C17orf67: variants seen among roughly 807,000 people sequenced by gnomAD.
C17orf67 encodes the protein chromosome 17 open reading frame 67, also known as uncharacterized protein C17orf67.
C17orf67 carries 12 observed loss-of-function variants against 11.2 expected under a neutral mutation model. The ratio of observed to expected loss-of-function variants is 1.07; its 90% CI spans 0.68 to 1.73. C17orf67 has a LOEUF of 1.73. Among genes scored for constraint, C17orf67 ranks in the 40% most tolerant of loss-of-function variants. C17orf67 has a pLI of 0.00. For synonymous variants in C17orf67, 59 were observed against 46.9 expected, an observed-to-expected ratio of 1.26 and a Z score of -1.05; for missense variants, 115 against 113.5, an observed-to-expected ratio of 1.01 and a Z score of -0.06.
rs2144109490 is a variant in C17orf67 at position 56,795,354 on chromosome 17, A to T, written c.157-174T>A. 6.7e-6 allele frequency: 4 copies of T among 600,994 alleles called. No individual in the cohort carries two copies. The South Asian group carries it at 8.0e-5, about 12-fold the overall frequency. 37.2% of individuals were successfully genotyped at this position (600,994 alleles called of 1,614,324 possible). A position where few individuals can be genotyped will look rare whatever the true frequency, so the allele number is the denominator to read the frequency against. On this transcript the variant is annotated intron_variant, in intron 6 of 7. Transcript: ENST00000397861. ...TAGGGAAGACCAGTCAGACTGACCC[A>T]CCCAGTGGGCAAAATAAAGAAGTCT... is the stretch of plus-strand genomic sequence containing the variant.
At chr17:56,794,801 TC>T (rs1905177781) in intron 7 of C17orf67, among the ~76,000 whole-genome samples, 1 of 152,146 alleles carries the variant, frequency 6.6e-6, no homozygotes, top group Non-Finnish European at 1.5e-5. Context: ...GTCACGTCCC[TC>T]CCCATTCGGG....
At chr17:56,819,450 A>C (rs1905844221) in intron 4 of C17orf67, among the ~76,000 whole-genome samples, 1 of 152,164 alleles carries the variant, frequency 6.6e-6, no homozygotes, top group Admixed American at 6.5e-5. Context: ...TGTCTCCTTC[A>C]CTGGTAAGCT....
At chr17:56,811,133 G>T (rs1905614225) in intron 6 of C17orf67, among the ~76,000 whole-genome samples, 1 of 152,118 alleles carries the variant, frequency 6.6e-6, no homozygotes, top group Non-Finnish European at 1.5e-5. Context: ...TCACATTGCA[G>T]ACTGGCACCA....
chr17:56,821,334 C>T (rs1905899936), intron 4 of C17orf67, among the ~76,000 whole-genome samples: 1 of 152,104 alleles, frequency 6.6e-6, no homozygotes, highest in Non-Finnish European at 1.5e-5. Context: ...GTCTACCTCA[C>T]ATGTACATTG....
chr17:56,807,506 G>C (rs1265881016), intron 6 of C17orf67, among the ~76,000 whole-genome samples: 1 of 152,196 alleles, frequency 6.6e-6, no homozygotes, highest in Non-Finnish European at 1.5e-5. Flanking sequence ...GGGATCCCAG[G>C]TAAGGCCCGT....
intron 4 of C17orf67, among the ~76,000 whole-genome samples, chr17:56,820,493 T>C (rs1905874441): frequency 6.6e-6 from 1 of 152,050 alleles, no homozygotes; most frequent in Non-Finnish European, 1.5e-5. Context: ...GAACATAACG[T>C]GCACAGCTTT....
At position 56,814,870 on chromosome 17, in the gene C17orf67, C is replaced by A. The variant is rs764102022; in HGVS notation, c.155G>T (p.Arg52Leu). 1.9e-6 allele frequency: 3 copies of A among 1,613,602 alleles called. No homozygotes were observed. In the African/African-American group the frequency reaches 4.0e-5, roughly 22 times the overall value. ...SKPGFPDEPM[R>L]EYMHHLLALE... Reference sequence around the variant, plus strand: ...AAACTGCCAGAGCAAAGCACTCACCCGCATTGGCTCATCGGGGAATCCGGG... The same window carrying A: ...AAACTGCCAGAGCAAAGCACTCACCAGCATTGGCTCATCGGGGAATCCGGG... Residue 52 changes from arginine to leucine, a missense_variant and splice_region_variant, in exon 6 of 8, where the codon CGG becomes CTG. Coordinates refer to ENST00000397861, the MANE Select transcript of C17orf67 (RefSeq NM_001085430.4).
At chr17:56,807,243 A>G (rs1905474262) in intron 6 of C17orf67, among the ~76,000 whole-genome samples, 1 of 152,216 alleles carries the variant, frequency 6.6e-6, no homozygotes, top group Non-Finnish European at 1.5e-5. Context: ...AGCCTGGGCG[A>G]GGCATGCTGG....
chr17:56,820,660 G>A (rs942036889), intron 4 of C17orf67, among the ~76,000 whole-genome samples: 2 of 151,942 alleles, frequency 1.3e-5, no homozygotes, highest in African/African-American at 4.8e-5. Flanking sequence ...GTTATTTGAG[G>A]ACCTGTTGTG....
Position 56,792,111 on chromosome 17 carries a change from A to G in C17orf67, c.*262T>C, listed in dbSNP as rs1170927770. 2 of 151,916 alleles carry G rather than the reference A, an allele frequency of 1.3e-5. No homozygotes were observed. Among genetic ancestry groups the G allele is most frequent in the East Asian group, 3.9e-4 (2 of 5,174 alleles). 9.4% of individuals were successfully genotyped at this position (151,916 alleles called of 1,614,324 possible). Reference sequence around the variant, plus strand: ...CCCAGGTAAGATTCTGGTTGTTCCCACTCTTGCAAACTGATGGGAAGACCT... The same window carrying G: ...CCCAGGTAAGATTCTGGTTGTTCCCGCTCTTGCAAACTGATGGGAAGACCT... On this transcript the variant is annotated 3_prime_UTR_variant, in exon 8 of 8. Transcript: ENST00000397861.
chr17:56,803,084 G>T (rs1447630585), intron 6 of C17orf67, among the ~76,000 whole-genome samples: 2 of 152,214 alleles, frequency 1.3e-5, no homozygotes, highest in Non-Finnish European at 2.9e-5. Flanking sequence ...CCTGAAGAAT[G>T]CCCTGGTGAA....
At chr17:56,812,065 C>T (rs962297613) in intron 6 of C17orf67, among the ~76,000 whole-genome samples, 5 of 152,148 alleles carry the variant, frequency 3.3e-5, no homozygotes, top group African/African-American at 9.7e-5. Context: ...CAGAATGTAA[C>T]CAAAGTTAAG....
At chr17:56,819,784 C>T (rs1318307305) in intron 4 of C17orf67, among the ~76,000 whole-genome samples, 1 of 152,186 alleles carries the variant, frequency 6.6e-6, no homozygotes, top group African/African-American at 2.4e-5. Flanking sequence ...AAAGCCCCAG[C>T]GGGGTAACGA....
intron 4 of C17orf67, among the ~76,000 whole-genome samples, chr17:56,817,456 A>G (rs763455257): frequency 1.3e-5 from 2 of 152,090 alleles, no homozygotes; most frequent in Non-Finnish European, 2.9e-5. Context: ...ATATATATAT[A>G]TAAGTAAATT....
chr17:56,804,278 A>G (rs1905393724), intron 6 of C17orf67: 1 of 152,270 alleles, frequency 6.6e-6, no homozygotes, highest in African/African-American at 2.4e-5. Context: ...TGAGAATCAT[A>G]AAGTGGACAG....
chr17:56,814,637 T>C (rs75529240), intron 6 of C17orf67, among the ~76,000 whole-genome samples: 1,842 of 152,280 alleles, frequency 0.012, 36 homozygotes, highest in African/African-American at 0.041. Flanking sequence ...ACTCCCACCA[T>C]TGGCCTCATT....
chr17:56,803,425 G>T lies in C17orf67; in HGVS notation c.157-8245C>A, dbSNP rs541317437. On this transcript the variant is annotated intron_variant, in intron 6 of 7. Coordinates refer to ENST00000397861, the MANE Select transcript of C17orf67 (RefSeq NM_001085430.4). ...GGTGATATTAACGAATGTCACTACTGATACACAGTACCTTTTATAATTATA... is the reference window on the plus strand; with the variant it reads ...GGTGATATTAACGAATGTCACTACTTATACACAGTACCTTTTATAATTATA... Among the ~76,000 whole-genome samples, 12 of 152,328 alleles carry T rather than the reference G, an allele frequency of 7.9e-5. No individual in the cohort carries two copies. The South Asian group carries it at 2.5e-3, about 32-fold the overall frequency.
chr17:56,811,007 A>G (rs1905610780), intron 6 of C17orf67, among the ~76,000 whole-genome samples: 1 of 152,210 alleles, frequency 6.6e-6, no homozygotes, highest in South Asian at 2.1e-4. Flanking sequence ...TCCCAGCCGC[A>G]GGGCCAGCAT....
At chr17:56,809,567 G>GCCTCACACACACCCCTCACACACACC (rs1258807759) in intron 6 of C17orf67, among the ~76,000 whole-genome samples, 1 of 85,708 alleles carries the variant, frequency 1.2e-5, no homozygotes, top group Non-Finnish European at 2.3e-5. Context: ...CACATACACA[G>GCCTCACACACACCCCTCACACACACC]CCTCACACAC....
Sources: allele counts gnomAD v4.1 joint callset (sites outside exome capture counted in the v4.1 genomes callset), GRCh38; gene constraint gnomAD v4.1.1; transcripts MANE v1.5; gene names NCBI Gene and HGNC (gene_info 2026-07-23, HGNC 2026-07-21).